The following TTYH3 variants were observed in gnomAD, a reference collection of about 807,000 sequenced individuals.
The protein encoded by TTYH3 is protein tweety homolog 3.
In TTYH3, 23 loss-of-function variants were observed where a neutral mutation model predicts 68.2. That is an observed-to-expected ratio of 0.34 (90% CI 0.24 to 0.48). The LOEUF (loss-of-function observed/expected upper bound fraction) is 0.48. Among genes scored for constraint, TTYH3 ranks in the 20% least tolerant of loss-of-function variants. The pLI is 0.99. For synonymous variants in TTYH3, 360 were observed against 332.8 expected, an observed-to-expected ratio of 1.08 and a Z score of -0.89; for missense variants, 768 against 727.7, an observed-to-expected ratio of 1.06 and a Z score of -0.64.
At chr7:2,636,774 G>A (rs73045032) in intron 1 of TTYH3, among the ~76,000 whole-genome samples, 19,439 of 148,384 alleles carry the variant, frequency 0.13, 1,368 homozygotes, top group South Asian at 0.17. Context: ...TTGGCCAGGG[G>A]GTGTGAAGCT....
Position 2,649,995 on chromosome 7 carries a change from CTG to C in TTYH3, c.871+11_871+12del. 1 of 1,613,876 alleles carries C rather than the reference CTG, an allele frequency of 6.2e-7. No homozygotes were observed. ...TACTCGGTGCTGAGTGGGGGTGAGT[CTG>C]TGTCCACGGCCGTGTCCCAGCGGGT... On this transcript the variant is annotated splice_region_variant and intron_variant, in intron 7 of 13. Transcript: ENST00000258796.
intron 1 of TTYH3, among the ~76,000 whole-genome samples, chr7:2,643,131 A>G (rs1259574017): frequency 3.9e-5 from 6 of 151,918 alleles, no homozygotes; most frequent in Non-Finnish European, 7.4e-5. Context: ...CGAGGCGGGC[A>G]GATCATGAGG....
rs764627207 is a variant in TTYH3, at chr7:2,646,866, T to G, written c.137T>G (p.Leu46Arg). The part of the protein sequence containing the change: ...DTDYQQALLL[L>R]GAAALACLAL... ...GCCTGCCCTCAGGCCCTGCTGCTCC[T>G]GGGGGCCGCCGCCCTGGCCTGCCTC... Residue 46 changes from leucine (L) to arginine (R), a missense_variant, in exon 2 of 14, where the codon CTG becomes CGG. By Grantham distance (102) the Leu-to-Arg change is moderately radical. Transcript: ENST00000258796. 1.3e-6 allele frequency: 2 copies of G among 1,596,144 alleles called. No individual in the cohort carries two copies. Among genetic ancestry groups the G allele is most frequent in the Non-Finnish European group, 1.7e-6 (2 of 1,178,626 alleles).
intron 13 of TTYH3, among the ~76,000 whole-genome samples, chr7:2,661,400 CCCT>C (rs200483276): frequency 0.019 from 2,950 of 152,226 alleles, 47 homozygotes; most frequent in Middle Eastern, 0.061. Flanking sequence ...GTGTGTACGC[CCCT>C]CCTCAGAGGA....
intron 10 of TTYH3, 105 bp from the exon 11 acceptor site, chr7:2,656,293 G>A: frequency 6.4e-7 from 1 of 1,566,694 alleles, no homozygotes; most frequent in African/African-American, 1.3e-5. Flanking sequence ...CCTCAGCCCT[G>A]CCTCTGGGGG....
rs190935483 is a variant in TTYH3, at chr7:2,652,011, G to A, written c.872-176G>A. On this transcript the variant is annotated intron_variant, in intron 7 of 13. Transcript: ENST00000258796. ...AACGTGCACAGAGACACATGCACGT[G>A]TAAGTAAACATGCAGACACATGCAC... is the stretch of plus-strand genomic sequence containing the variant. Among the ~76,000 whole-genome samples, 310 of 152,270 alleles carry A rather than the reference G, an allele frequency of 2.0e-3. 2 individuals are homozygous for A. Among genetic ancestry groups the A allele is most frequent in the Middle Eastern group, 0.01 (3 of 294 alleles).
At chr7:2,646,706 C>A (rs1158508128) in intron 1 of TTYH3, 147 bp from the exon 2 acceptor site, 2 of 854,526 alleles carry the variant, frequency 2.3e-6, no homozygotes, top group African/African-American at 3.4e-5. Flanking sequence ...GACTCCATGC[C>A]TCACCTACAA....
intron 1 of TTYH3, among the ~76,000 whole-genome samples, chr7:2,635,611 C>T (rs1306734166): frequency 6.6e-6 from 1 of 152,208 alleles, no homozygotes; most frequent in Non-Finnish European, 1.5e-5. Context: ...TGTTAACTGG[C>T]TTGCCATGGA....
intron 1 of TTYH3, among the ~76,000 whole-genome samples, chr7:2,643,828 C>T (rs998144426): frequency 1.4e-5 from 2 of 138,416 alleles, no homozygotes; most frequent in Non-Finnish European, 3.1e-5. Context: ...TTAGGCTCTG[C>T]GTAATGCGTG....
intron 1 of TTYH3, among the ~76,000 whole-genome samples, chr7:2,637,573 C>T (rs988888252): frequency 1.3e-5 from 2 of 152,204 alleles, no homozygotes; most frequent in Non-Finnish European, 2.9e-5. Flanking sequence ...GGGGCATCTA[C>T]ACTTCCCCCA....
At position 2,658,269 on chromosome 7, in the gene TTYH3, C is replaced by T. The variant is rs749427582; in HGVS notation, c.1251-17C>T. 9.8e-6 allele frequency: 15 copies of T among 1,535,458 alleles called. No individual in the cohort carries two copies. The highest frequency in any genetic ancestry group is 4.9e-5 in the South Asian group (4 of 81,964). ...CCTGCTGGGGCCTGAGCCCGTGCTG[C>T]GTGTCCCTCCTCACAGAGGCCCTGA... On this transcript the variant is annotated splice_polypyrimidine_tract_variant and intron_variant, in intron 11 of 13. Transcript: ENST00000258796.
At position 2,646,290 on chromosome 7, in the gene TTYH3, C is replaced by G. The variant is rs1246090855; in HGVS notation, c.124-563C>G. 4.6e-5 allele frequency among the ~76,000 whole-genome samples: 7 copies of G among 152,252 alleles called. 1 individual carries two copies. The highest frequency in any genetic ancestry group is 3.9e-4 in the Admixed American group (6 of 15,290). On this transcript the variant is annotated intron_variant, in intron 1 of 13. Coordinates refer to ENST00000258796, the MANE Select transcript of TTYH3 (RefSeq NM_025250.3). ...TCGGCCTCCCAAAGTGCTGGGATTA[C>G]AGGCGTGAGCCACCCTGCCCTGCTC...
At chr7:2,639,593 C>T (rs957573554) in intron 1 of TTYH3, among the ~76,000 whole-genome samples, 1 of 152,250 alleles carries the variant, frequency 6.6e-6, no homozygotes, top group Non-Finnish European at 1.5e-5. Flanking sequence ...AGCTGATGCT[C>T]CCAATTAGCC....
At position 2,662,034 on chromosome 7, in the gene TTYH3, C is replaced by T. The variant is rs1786512712; in HGVS notation, c.*295C>T. 1.8e-6 allele frequency: 1 copy of T among 566,100 alleles called. No homozygotes were observed. The highest frequency in any genetic ancestry group is 3.1e-5 in the Admixed American group (1 of 32,280). 35.1% of individuals were successfully genotyped at this position (566,100 alleles called of 1,614,324 possible). On this transcript the variant is annotated 3_prime_UTR_variant, in exon 14 of 14. Coordinates refer to ENST00000258796, the MANE Select transcript of TTYH3 (RefSeq NM_025250.3). ...CTCCCTCTGCAGATGGTCGCCGCAC[C>T]TACAAGCCCTGGCCGCACCCAACCT... is the stretch of plus-strand genomic sequence containing the variant.
Position 2,656,102 on chromosome 7 carries a change from TC to T in TTYH3, c.1033del (p.Arg345AlafsTer6). On this transcript the variant is annotated frameshift_variant, in exon 10 of 14. Coordinates refer to ENST00000258796, the MANE Select transcript of TTYH3 (RefSeq NM_025250.3). LOFTEE classifies it high-confidence loss of function. ...GTGCGTGCCCCCCAGGACCCCCTCC[TC>T]CGCGTCCAGGAGGTGCTGAATGGCA... is the stretch of plus-strand genomic sequence containing the variant. Reference protein sequence around the residue: ...WEQPATKDPLLRVQEVLNGTE... With the variant: ...WEQPATKDPLXRVQEVLNGTE... 1 of 1,552,300 alleles carries T rather than the reference TC, an allele frequency of 6.4e-7. No homozygotes were observed. The highest frequency in any genetic ancestry group is 8.7e-7 in the Non-Finnish European group (1 of 1,145,752).
chr7:2,650,753 G>A (rs1317719859), intron 7 of TTYH3, among the ~76,000 whole-genome samples: 2 of 151,842 alleles, frequency 1.3e-5, no homozygotes, highest in African/African-American at 4.8e-5. Context: ...GGAGAGATTT[G>A]ACCCATGATT....
chr7:2,642,850 G>C (rs1785885298), intron 1 of TTYH3, among the ~76,000 whole-genome samples: 1 of 150,800 alleles, frequency 6.6e-6, no homozygotes, highest in African/African-American at 2.4e-5. Flanking sequence ...ATCACCTGAG[G>C]TCAGGAGTTT....
chr7:2,656,675 A>AG (rs1562718939), intron 11 of TTYH3, 141 bp downstream of exon 11: 1 of 1,026,662 alleles, frequency 9.7e-7, no homozygotes. Context: ...GACCCTCCCT[A>AG]GGCCTCTCTA....
intron 7 of TTYH3, among the ~76,000 whole-genome samples, chr7:2,650,200 G>C (rs945390610): frequency 2.0e-5 from 3 of 152,236 alleles, no homozygotes; most frequent in African/African-American, 7.2e-5. Flanking sequence ...GGGGTGGCGG[G>C]TGCCCGCGTG....
Sources: allele counts gnomAD v4.1 joint callset (sites outside exome capture counted in the v4.1 genomes callset), GRCh38; gene constraint gnomAD v4.1.1; transcripts MANE v1.5; gene names NCBI Gene and HGNC (gene_info 2026-07-23, HGNC 2026-07-21).